Variants in HAP1 observed in about 807,000 individuals in gnomAD.
HAP1 encodes huntingtin-associated protein 1.
A neutral mutation model predicts 60.3 loss-of-function variants in HAP1; 59 were observed. That is an observed-to-expected ratio of 0.98 (90% CI 0.79 to 1.22). The LOEUF (loss-of-function observed/expected upper bound fraction) is 1.22. HAP1 is among the 50% of genes most tolerant of loss of function. The pLI, the probability that HAP1 is intolerant of heterozygous loss-of-function variation, is 0.00. For missense variants in HAP1, 825 were observed against 785.3 expected, an observed-to-expected ratio of 1.05 and a Z score of -0.60; for synonymous variants, 346 against 330.6, an observed-to-expected ratio of 1.05 and a Z score of -0.50.
rs782481711 is a variant in HAP1, at chr17:41,731,754, G to A, written c.897-11C>T. 6.3e-7 allele frequency: 1 copy of A among 1,588,950 alleles called. No individual in the cohort carries two copies. Among genetic ancestry groups the A allele is most frequent in the South Asian group, 1.1e-5 (1 of 90,500 alleles). ...GCCTCCTGCGAAATCCTAGGGGAGG[G>A]AGGAATGGGAGTCAGGGTGCAGGGA... On this transcript the variant is annotated splice_polypyrimidine_tract_variant and intron_variant, in intron 4 of 10. Transcript: ENST00000347901.
chr17:41,725,783 C>T, intron 10 of HAP1, 76 bp downstream of exon 10: 1 of 1,108,682 alleles, frequency 9.0e-7, no homozygotes, highest in Non-Finnish European at 1.4e-6. Flanking sequence ...TGCAGGGTGG[C>T]AGAACCAGAG....
chr17:41,725,923 AT>A (rs782128541), intron 9 of HAP1, 26 bp from the exon 10 acceptor site: 1 of 1,586,340 alleles, frequency 6.3e-7, no homozygotes, highest in Non-Finnish European at 8.7e-7. Flanking sequence ...GACCTTCATT[AT>A]GAGACAATGG....
intron 6 of HAP1, among the ~76,000 whole-genome samples, chr17:41,728,677 G>T (rs1280598849): frequency 6.6e-6 from 1 of 152,180 alleles, no homozygotes; most frequent in African/African-American, 2.4e-5. Context: ...GACCTGCAAG[G>T]TAAGGAAGGA....
downstream of HAP1, chr17:41,717,864 A>G: frequency 5.1e-6 from 2 of 395,070 alleles, no homozygotes; most frequent in Non-Finnish European, 1.2e-5. Context: ...ATATTTGTAA[A>G]TAATTGCTCA....
intron 8 of HAP1, 58 bp downstream of exon 8, chr17:41,727,704 C>T (rs1426066830): frequency 5.1e-6 from 6 of 1,169,482 alleles, no homozygotes; most frequent in Non-Finnish European, 7.6e-6. Flanking sequence ...GGCCTGGGGT[C>T]CCCACTCTGG....
Position 41,731,534 on chromosome 17 carries a change from T to C in HAP1, c.1028A>G (p.Asp343Gly). ...EEASQLDTLE[D>G]EEQMLILECV... ...CTCCAGAATGAGCATCTGTTCCTCA[T>C]CCTCAAGAGTGTCGAGTTGAGAGGC... is the stretch of plus-strand genomic sequence containing the variant. Residue 343 changes from aspartate (D) to glycine (G), a missense_variant, in exon 6 of 11, where the codon GAT becomes GGT. By Grantham distance (94) the Asp-to-Gly change is moderately conservative. Transcript: ENST00000347901. 1 of 1,612,886 alleles carries C rather than the reference T, an allele frequency of 6.2e-7. No homozygotes were observed. Among genetic ancestry groups the C allele is most frequent in the Admixed American group, 1.7e-5 (1 of 60,010 alleles).
In HAP1 at chr17:41,725,909, A is replaced by G; in HGVS notation, c.1368-12T>C. 6.2e-7 allele frequency: 1 copy of G among 1,607,230 alleles called. No individual in the cohort carries two copies. Among genetic ancestry groups the G allele is most frequent in the Non-Finnish European group, 8.5e-7 (1 of 1,173,714 alleles). On this transcript the variant is annotated splice_polypyrimidine_tract_variant and intron_variant, in intron 9 of 10. Coordinates refer to ENST00000347901, the MANE Select transcript of HAP1 (RefSeq NM_177977.3). ...GCATCTCATAATTCCTTCAAAGAGA[A>G]AAGGACCTTCATTATGAGACAATGG...
chr17:41,728,812 G>C (rs1027926059), intron 6 of HAP1, among the ~76,000 whole-genome samples: 7 of 152,208 alleles, frequency 4.6e-5, no homozygotes, highest in Non-Finnish European at 7.3e-5. Flanking sequence ...ACACTGGGAC[G>C]GGGAGGGCCC....
chr17:41,731,612 G>A (rs375261728), intron 5 of HAP1, 26 bp downstream of exon 5: 56 of 1,604,770 alleles, frequency 3.5e-5, no homozygotes, highest in Non-Finnish European at 4.4e-5. Flanking sequence ...CCTGCTAGCA[G>A]GGACGCCCTC....
chr17:41,733,209 G>A (rs1313322393), intron 1 of HAP1, among the ~76,000 whole-genome samples: 2 of 151,094 alleles, frequency 1.3e-5, no homozygotes, highest in South Asian at 2.1e-4. Flanking sequence ...CCGCCACCAC[G>A]CCCAGCTTAT....
At chr17:41,721,253 C>T (rs1293448662), downstream of HAP1, 4 of 152,424 alleles carry the variant, frequency 2.6e-5, no homozygotes, top group African/African-American at 9.7e-5. Context: ...TCTATAATAT[C>T]CTGGAGCAAA....
intron 10 of HAP1, 54 bp from the exon 11 acceptor site, chr17:41,725,208 G>T: frequency 7.0e-7 from 1 of 1,420,832 alleles, no homozygotes; most frequent in South Asian, 1.3e-5. Context: ...AACCCCCCAG[G>T]CCCACCCCCA....
rs371412417 is a variant in HAP1 at position 41,725,752 on chromosome 17, T to C, written c.1406+107A>G. 4.7e-6 allele frequency: 4 copies of C among 844,392 alleles called. 1 individual carries two copies. Among genetic ancestry groups the C allele is most frequent in the Non-Finnish European group, 8.2e-6 (4 of 485,862 alleles). The allele number at this position is 844,392 out of a possible 1,614,324, so 52.3% of individuals were successfully genotyped here. ...CAGTTCTCAGTTCAGCCAGCCGAGA[T>C]AGCAGGGCCTTCTCCGGAGTTGCAG... On this transcript the variant is annotated intron_variant, in intron 10 of 10. Transcript: ENST00000347901.
intron 1 of HAP1, among the ~76,000 whole-genome samples, chr17:41,733,632 G>A (rs1369981407): frequency 6.6e-6 from 1 of 152,000 alleles, no homozygotes; most frequent in Non-Finnish European, 1.5e-5. Context: ...GGAGACACTC[G>A]AGCCTCTAGG....
chr17:41,720,482 A>T (rs1555586820), downstream of HAP1, among the ~76,000 whole-genome samples: 2 of 152,196 alleles, frequency 1.3e-5, no homozygotes, highest in African/African-American at 4.8e-5. Context: ...GGCATGAGCC[A>T]CCGTGCCCAG....
intron 8 of HAP1, 90 bp from the exon 9 acceptor site, chr17:41,727,234 A>C: frequency 1.2e-6 from 1 of 816,658 alleles, no homozygotes; most frequent in Non-Finnish European, 2.2e-6. Context: ...GATCTCAATC[A>C]GCCACCAAGG....
rs781783273 is a variant in HAP1 at position 41,732,399 on chromosome 17, G to T, written c.550-5C>A. ...CTCCCAGACAGGTGGGAGAAGCTGG[G>T]GGGGACACAGGGGTCAGAGAGAGGC... On this transcript the variant is annotated splice_region_variant and splice_polypyrimidine_tract_variant and intron_variant, in intron 2 of 10. Transcript: ENST00000347901. The T allele has an allele frequency of 1.2e-5, 20 of 1,613,538 alleles. No individual in the cohort carries two copies. The highest frequency in any genetic ancestry group is 8.3e-5 in the Admixed American group (5 of 59,964).
intron 6 of HAP1, among the ~76,000 whole-genome samples, chr17:41,729,549 C>CAAAAAAAAAAAAAAAAAAAAAAAAA (rs1162563636): frequency 1.6e-5 from 1 of 63,096 alleles, no homozygotes; most frequent in Non-Finnish European, 2.9e-5. Flanking sequence ...GCCTCCTTCT[C>CAAAAAAAAAAAAAAAAAAAAAAAAA]AAAAAAAAAA....
intron 1 of HAP1, among the ~76,000 whole-genome samples, chr17:41,733,842 C>A (rs1479264337): frequency 2.6e-5 from 4 of 151,792 alleles, no homozygotes; most frequent in Non-Finnish European, 5.9e-5. Context: ...CTCCCGCAGC[C>A]CCCCGCCCCT....
Sources: allele counts gnomAD v4.1 joint callset (sites outside exome capture counted in the v4.1 genomes callset), GRCh38; gene constraint gnomAD v4.1.1; transcripts MANE v1.5; gene names NCBI Gene and HGNC (gene_info 2026-07-23, HGNC 2026-07-21).